Variants in CACNA2D3 observed in about 807,000 individuals in gnomAD.
CACNA2D3 encodes the protein calcium voltage-gated channel auxiliary subunit alpha2delta 3.
CACNA2D3 carries 60 observed loss-of-function variants against 160.6 expected under a neutral mutation model. The ratio of observed to expected loss-of-function variants is 0.37; its 90% CI spans 0.30 to 0.46. The LOEUF is 0.46. Among genes scored for constraint, CACNA2D3 ranks in the 20% least tolerant of loss-of-function variants. The probability of loss-of-function intolerance (pLI) is 1.00; values close to 1 mark genes in which losing one functional copy is unlikely to be tolerated. For missense variants in CACNA2D3, 1,205 were observed against 1,365.0 expected, an observed-to-expected ratio of 0.88 and a Z score of 1.85; for synonymous variants, 558 against 492.9, an observed-to-expected ratio of 1.13 and a Z score of -1.75.
chr3:54,944,909 G>A (rs535362806), intron 27 of CACNA2D3, among the ~76,000 whole-genome samples: 1 of 151,878 alleles, frequency 6.6e-6, no homozygotes, highest in East Asian at 1.9e-4. Flanking sequence ...CAAGGTGAAG[G>A]CTCTCCCCAA....
At chr3:54,641,474 T>C (rs2106845128) in intron 10 of CACNA2D3, among the ~76,000 whole-genome samples, 1 of 152,340 alleles carries the variant, frequency 6.6e-6, no homozygotes, top group African/African-American at 2.4e-5. Context: ...GGCAAATATC[T>C]CTTTTCAGAC....
chr3:55,068,934 T>C (rs960791857), intron 35 of CACNA2D3, among the ~76,000 whole-genome samples: 9 of 152,370 alleles, frequency 5.9e-5, no homozygotes, highest in African/African-American at 1.7e-4. Flanking sequence ...ATTGTCCTCA[T>C]AGTAGCTATA....
chr3:54,181,703 C>A (rs1340715615), intron 2 of CACNA2D3, among the ~76,000 whole-genome samples: 1 of 152,114 alleles, frequency 6.6e-6, no homozygotes, highest in South Asian at 2.1e-4. Context: ...TAAATTATTT[C>A]ATTTACTTTT....
At chr3:54,261,291 C>T (rs867212149) in intron 2 of CACNA2D3, among the ~76,000 whole-genome samples, 8 of 152,132 alleles carry the variant, frequency 5.3e-5, no homozygotes, top group Non-Finnish European at 1.0e-4. Flanking sequence ...TACTCAAGCC[C>T]GTCTTCTCTC....
intron 2 of CACNA2D3, among the ~76,000 whole-genome samples, chr3:54,304,654 A>C (rs1300413813): frequency 1.3e-5 from 2 of 152,198 alleles, no homozygotes; most frequent in African/African-American, 4.8e-5. Context: ...TTTAATAAGA[A>C]GAAAAAAGTC....
intron 2 of CACNA2D3, among the ~76,000 whole-genome samples, chr3:54,170,078 C>A (rs1700535423): frequency 6.6e-6 from 1 of 151,232 alleles, no homozygotes; most frequent in African/African-American, 2.4e-5. Flanking sequence ...ATCCCAGCTA[C>A]TTGGGAGGCT....
At chr3:54,123,699 G>C (rs1432822080) in intron 2 of CACNA2D3, 105 bp downstream of exon 2, 2 of 904,746 alleles carry the variant, frequency 2.2e-6, no homozygotes, top group East Asian at 2.4e-5. Context: ...ATCAGTTATC[G>C]GAGGACTCTC....
rs1204296427 is a variant in CACNA2D3, at chr3:54,503,669, C to G, written c.544+15C>G. 1.2e-6 allele frequency: 2 copies of G among 1,610,762 alleles called. No individual in the cohort carries two copies. The highest frequency in any genetic ancestry group is 8.5e-7 in the Non-Finnish European group (1 of 1,177,298). On this transcript the variant is annotated intron_variant, in intron 5 of 37. Coordinates refer to ENST00000474759, the MANE Select transcript of CACNA2D3 (RefSeq NM_018398.3). ...GTACAACAAAGGTAAGACTCCCAGC[C>G]ACTGCTCCTTTTAGAAGGTGAAGAA...
At chr3:54,519,007 T>A (rs1459891220) in intron 5 of CACNA2D3, among the ~76,000 whole-genome samples, 2 of 14,972 alleles carry the variant, frequency 1.3e-4, no homozygotes, top group Non-Finnish European at 2.5e-4. Context: ...CCTCACAGGG[T>A]GTGGGGGTCC....
rs574468036 is a variant in CACNA2D3 at position 54,171,075 on chromosome 3, C to T, written c.204+47481C>T. On this transcript the variant is annotated intron_variant, in intron 2 of 37. Transcript: ENST00000474759. ...ACACATCTGGAACTTTGAGGATTCC[C>T]TATTTTAGGTACTTTGATGGAAGTT... Among the ~76,000 whole-genome samples, 6 of 143,276 alleles carry T rather than the reference C, an allele frequency of 4.2e-5. No homozygotes were observed. In the East Asian group the frequency reaches 1.3e-3, roughly 32 times the overall value. The allele number at this position is 143,276 out of a possible 152,430, so 94.0% of individuals were successfully genotyped here.
At chr3:54,867,386 C>G (rs922323443) in intron 17 of CACNA2D3, among the ~76,000 whole-genome samples, 6 of 152,116 alleles carry the variant, frequency 3.9e-5, no homozygotes, top group Non-Finnish European at 7.3e-5. Context: ...CCTCAATAAT[C>G]ATGGAAGCAC....
intron 14 of CACNA2D3, among the ~76,000 whole-genome samples, chr3:54,818,779 A>G (rs989031977): frequency 3.3e-5 from 5 of 152,224 alleles, no homozygotes; most frequent in African/African-American, 1.2e-4. Context: ...TTCTGTTCCT[A>G]TCATGGCTAG....
chr3:54,462,388 C>G (rs927909308), intron 4 of CACNA2D3, among the ~76,000 whole-genome samples: 5 of 152,160 alleles, frequency 3.3e-5, no homozygotes, highest in Admixed American at 6.5e-5. Context: ...TAACATCTCC[C>G]ATTACTATTG....
At chr3:54,328,388 T>C (rs1469144527) in intron 3 of CACNA2D3, among the ~76,000 whole-genome samples, 3 of 152,150 alleles carry the variant, frequency 2.0e-5, no homozygotes, top group Non-Finnish European at 4.4e-5. Flanking sequence ...TTCAAGCAAC[T>C]CTCCTGCCTC....
Position 54,879,395 on chromosome 3 carries a change from A to G in CACNA2D3, c.1828A>G (p.Lys610Glu). Reference protein sequence around the residue: ...MTNDYYYTDIKGTPFSLGVAL... With the variant: ...MTNDYYYTDIEGTPFSLGVAL... ...AAATGACTACTATTATACAGACATC[A>G]AGGGTACTCCTTTCAGGTAGAGCTG... is the stretch of plus-strand genomic sequence containing the variant. Residue 610 changes from lysine to glutamate, a missense_variant, in exon 20 of 38, where the codon AAG becomes GAG. Lys to Glu is a moderately conservative substitution (Grantham distance 56). This residue lies in a region of CACNA2D3 where 911 missense variants were observed against 1,002.2 expected (regional missense o/e 0.91). Coordinates refer to ENST00000474759, the MANE Select transcript of CACNA2D3 (RefSeq NM_018398.3). The G allele has an allele frequency of 6.2e-7, 1 of 1,610,454 alleles. No individual in the cohort carries two copies. The highest frequency in any genetic ancestry group is 1.1e-5 in the South Asian group (1 of 90,382).
At chr3:54,410,926 T>C (rs527742403) in intron 4 of CACNA2D3, among the ~76,000 whole-genome samples, 4 of 152,328 alleles carry the variant, frequency 2.6e-5, no homozygotes, top group African/African-American at 9.6e-5. Flanking sequence ...ATACTTCTGA[T>C]TCATGAAAGG....
intron 9 of CACNA2D3, among the ~76,000 whole-genome samples, chr3:54,587,566 G>A (rs541371720): frequency 5.9e-5 from 9 of 151,370 alleles, no homozygotes; most frequent in African/African-American, 2.2e-4. Context: ...AAAAAAACAA[G>A]TTAAAAAAAT....
chr3:54,891,396 G>C lies in CACNA2D3; in HGVS notation c.2192G>C (p.Arg731Pro), dbSNP rs771698876. 1.9e-6 allele frequency: 3 copies of C among 1,613,828 alleles called. No homozygotes were observed. The highest frequency in any genetic ancestry group is 1.7e-4 in the Middle Eastern group (1 of 6,056). The part of the protein sequence containing the change: ...KGVEVAFLGT[R>P]TGLSRINLFV... ...GTGGAGGTTGCCTTCCTCGGCACTC[G>C]CACGGGCCTCTCCAGAATCAACCTG... Residue 731 changes from arginine (R) to proline (P), a missense_variant, in exon 25 of 38, where the codon CGC becomes CCC. Physicochemically the swap from Arg to Pro is moderately radical, Grantham distance 103. Around this residue, in one of 3 missense-constraint regions of CACNA2D3, gnomAD observed 911 missense variants for 1,002.2 expected, o/e 0.91. Coordinates refer to ENST00000474759, the MANE Select transcript of CACNA2D3 (RefSeq NM_018398.3).
intron 4 of CACNA2D3, among the ~76,000 whole-genome samples, chr3:54,408,572 C>CT (rs1699614882): frequency 6.6e-6 from 1 of 152,138 alleles, no homozygotes; most frequent in African/African-American, 2.4e-5. Flanking sequence ...ACCAGTTCCT[C>CT]TTTTTTCTAT....
Sources: gnomAD v4.1 joint callset for allele counts (sites outside exome capture counted in the v4.1 genomes callset) on GRCh38, gnomAD v4.1.1 for gene constraint, gnomAD v4.1.1 regional missense constraint, MANE v1.5 for transcripts, NCBI Gene and HGNC (gene_info 2026-07-23, HGNC 2026-07-21) for gene names.